DPH6: variants seen among roughly 807,000 people sequenced by gnomAD.
DPH6 encodes the protein diphthamine biosynthesis 6.
Under a neutral mutation model 38.2 loss-of-function variants are expected in DPH6, and 33 were observed. The ratio of observed to expected loss-of-function variants is 0.86; its 90% confidence interval spans 0.65 to 1.15. The LOEUF (loss-of-function observed/expected upper bound fraction) is 1.15, where lower values mean the gene tolerates loss of function less well. DPH6 is among the 50% of genes most tolerant of loss of function. The probability of loss-of-function intolerance (pLI) is 0.00; values close to 1 mark genes in which losing one functional copy is unlikely to be tolerated. For synonymous variants in DPH6, 108 were observed against 103.0 expected, an observed-to-expected ratio of 1.05 and a Z score of -0.30; for missense variants, 325 against 320.0, an observed-to-expected ratio of 1.02 and a Z score of -0.12.
chr15:35,293,118 A>C (rs963479769), intron 3 of DPH6, among the ~76,000 whole-genome samples: 1 of 152,048 alleles, frequency 6.6e-6, no homozygotes, highest in African/African-American at 2.4e-5. Context: ...CATTTTAAAA[A>C]CTCTGAAATT....
At chr15:35,199,486 T>C in the DPH6 span, among the ~76,000 whole-genome samples, 1 of 152,034 alleles carries the variant, frequency 6.6e-6, no homozygotes, top group East Asian at 1.9e-4. Flanking sequence ...TAATCAAAGA[T>C]TGTTAGAGGT....
the DPH6 span, among the ~76,000 whole-genome samples, chr15:35,145,981 T>C: frequency 0.64 from 96,455 of 151,878 alleles, 31,286 homozygotes; most frequent in Middle Eastern, 0.74. Flanking sequence ...CATAGTTGCA[T>C]ACCCAAATAA....
chr15:35,283,952 G>T (rs1386397304), intron 3 of DPH6, among the ~76,000 whole-genome samples: 1 of 152,132 alleles, frequency 6.6e-6, no homozygotes, highest in Non-Finnish European at 1.5e-5. Flanking sequence ...TATCTTTGCT[G>T]TAGTAATTTG....
Position 35,542,417 on chromosome 15 carries a change from G to A in DPH6, c.114C>T (p.Asn38=). The A allele has an allele frequency of 1.3e-6, 2 of 1,564,762 alleles. No homozygotes were observed. Among genetic ancestry groups the A allele is most frequent in the Non-Finnish European group, 1.8e-6 (2 of 1,142,582 alleles). ...CCAATAAAGGCATGTACTTACCTTG[G>A]TTTTCAGCTGGTCTTAGATTTGCTA... ...VALANLRPAE[N]QVGSDELDSY... The change falls in exon 2 of 9, where the codon AAC becomes AAT. Residue 38 remains asparagine (N), a synonymous_variant. Transcript: ENST00000256538.
chr15:35,397,868 T>TATACACACACACAG (rs752473433), intron 6 of DPH6, among the ~76,000 whole-genome samples: 4 of 87,258 alleles, frequency 4.6e-5, no homozygotes, highest in African/African-American at 1.8e-4. Flanking sequence ...TTTATATATA[T>TATACACACACACAG]ACACACACAC....
intron 3 of DPH6, chr15:35,489,868 A>AT (rs1252980549): frequency 1.0e-6 from 1 of 969,432 alleles, no homozygotes. Context: ...TGGATTATAC[A>AT]TTTTTTAATG....
At chr15:35,277,349 T>A (rs2051865932) in intron 3 of DPH6, among the ~76,000 whole-genome samples, 1 of 152,160 alleles carries the variant, frequency 6.6e-6, no homozygotes, top group Non-Finnish European at 1.5e-5. Flanking sequence ...TTTCTAGGTA[T>A]ACAATCATAT....
At chr15:35,412,890 C>T (rs1049762885) in intron 5 of DPH6, among the ~76,000 whole-genome samples, 4 of 151,560 alleles carry the variant, frequency 2.6e-5, no homozygotes, top group South Asian at 2.1e-4. Flanking sequence ...ATACTCTGCA[C>T]GATACTATAA....
downstream of DPH6, among the ~76,000 whole-genome samples, chr15:35,328,124 T>C (rs2052299903): frequency 6.6e-6 from 1 of 152,292 alleles, no homozygotes; most frequent in South Asian, 2.1e-4. Flanking sequence ...TATATATAAA[T>C]TAATGAGCTC....
the DPH6 span, among the ~76,000 whole-genome samples, chr15:35,179,824 G>A: frequency 6.6e-6 from 1 of 152,166 alleles, no homozygotes; most frequent in African/African-American, 2.4e-5. Context: ...GATGCAGTTG[G>A]TGTTTAATAG....
chr15:35,197,237 G>A, the DPH6 span, among the ~76,000 whole-genome samples: 3 of 152,190 alleles, frequency 2.0e-5, no homozygotes, highest in East Asian at 3.9e-4. Flanking sequence ...TGCTGAACAG[G>A]GAAATCTACA....
At chr15:35,164,671 AT>A in the DPH6 span, among the ~76,000 whole-genome samples, 1 of 151,866 alleles carries the variant, frequency 6.6e-6, no homozygotes, top group East Asian at 1.9e-4. Context: ...CTCTTGCCGT[AT>A]TTTTACCCTA....
downstream of DPH6, among the ~76,000 whole-genome samples, chr15:35,367,206 G>T (rs1455573321): frequency 6.6e-6 from 1 of 151,666 alleles, no homozygotes; most frequent in African/African-American, 2.4e-5. Flanking sequence ...TTAGTACTTA[G>T]GAAATTATTT....
the DPH6 span, among the ~76,000 whole-genome samples, chr15:35,182,085 T>C: frequency 6.6e-6 from 1 of 152,026 alleles, no homozygotes; most frequent in Non-Finnish European, 1.5e-5. Flanking sequence ...TTTTATTTAG[T>C]CTTTACATTT....
At chr15:35,333,061 T>C (rs1218598447) in intron 3 of DPH6, among the ~76,000 whole-genome samples, 1 of 149,122 alleles carries the variant, frequency 6.7e-6, no homozygotes, top group African/African-American at 2.5e-5. Flanking sequence ...AAAAGATTAG[T>C]GAGCAGAATA....
At chr15:35,447,285 T>C (rs16960949) in intron 5 of DPH6, among the ~76,000 whole-genome samples, 28,318 of 152,068 alleles carry the variant, frequency 0.19, 3,852 homozygotes, top group African/African-American at 0.39. Context: ...AACTCAACTT[T>C]AGCAAGAATG....
At chr15:35,492,067 G>C (rs2054490491) in intron 3 of DPH6, among the ~76,000 whole-genome samples, 1 of 152,078 alleles carries the variant, frequency 6.6e-6, no homozygotes, top group South Asian at 2.1e-4. Context: ...GAAGGCTTAA[G>C]AGCCAGAGAG....
intron 3 of DPH6, among the ~76,000 whole-genome samples, chr15:35,529,104 G>A (rs924350928): frequency 6.6e-6 from 1 of 152,150 alleles, no homozygotes; most frequent in Non-Finnish European, 1.5e-5. Context: ...TCCAATGTCT[G>A]TCATCTGTCA....
At chr15:35,261,281 G>A (rs546747922) in intron 3 of DPH6, among the ~76,000 whole-genome samples, 1 of 152,328 alleles carries the variant, frequency 6.6e-6, no homozygotes, top group East Asian at 1.9e-4. Flanking sequence ...TTGCTGTCAT[G>A]CAGAACTGGA....
Sources: allele counts gnomAD v4.1 joint callset (sites outside exome capture counted in the v4.1 genomes callset), GRCh38; gene constraint gnomAD v4.1.1; transcripts MANE v1.5; gene names NCBI Gene and HGNC (gene_info 2026-07-23, HGNC 2026-07-21).